The following MVP variants were observed in gnomAD, a reference collection of about 807,000 sequenced individuals.
MVP encodes major vault protein.
Under a neutral mutation model 83.5 loss-of-function variants are expected in MVP, and 62 were observed. That is an observed-to-expected ratio of 0.74 (90% CI 0.61 to 0.92). The LOEUF (loss-of-function observed/expected upper bound fraction) is 0.92, where lower values mean the gene tolerates loss of function less well. Ranked by LOEUF, MVP falls within the 40% of genes least tolerant of loss-of-function variation. The pLI is 0.00. For synonymous variants in MVP, 505 were observed against 504.1 expected (o/e 1.00, Z -0.02); for missense variants, 1,000 against 1,203.4 (o/e 0.83, Z 2.50).
At position 29,841,442 on chromosome 16, in the gene MVP, A is replaced by G; in HGVS notation, c.1192-154A>G. Among the ~76,000 whole-genome samples, 1 of 152,144 alleles carries G rather than the reference A, an allele frequency of 6.6e-6. No homozygotes were observed. The highest frequency in any genetic ancestry group is 1.9e-4 in the East Asian group (1 of 5,184). ...TAGCCCACGATGACAGGGCCAGCAG[A>G]TGGCAAACCCGGGGTGGAGCCTGGC... On this transcript the variant is annotated intron_variant, in intron 8 of 14. Transcript: ENST00000357402. This position sits in a 1 kb window ranked among gnomAD's most constrained non-coding sequence, Gnocchi z 4.7.
At position 29,844,589 on chromosome 16, in the gene MVP, C is replaced by G. The variant is rs1435478381; in HGVS notation, c.1731C>G (p.Ser577=). 1 of 1,613,134 alleles carries G rather than the reference C, an allele frequency of 6.2e-7. No homozygotes were observed. Among genetic ancestry groups the G allele is most frequent in the South Asian group, 1.1e-5 (1 of 90,878 alleles). Residue 577 remains serine (S), a synonymous_variant, in exon 11 of 15, where the codon TCC becomes TCG. Coordinates refer to ENST00000357402, the MANE Select transcript of MVP (RefSeq NM_005115.5). ...GTGATGCCTGCAAAGCCATCGCATC[C>G]CGGGTGCGGGGGGCCGTGGCCTCTG... is the stretch of plus-strand genomic sequence containing the variant. The part of the protein sequence containing the change: ...FVGDACKAIA[S]RVRGAVASVT...
chr16:29,832,439 A>C (rs2067451015), intron 3 of MVP, among the ~76,000 whole-genome samples: 1 of 150,656 alleles, frequency 6.6e-6, no homozygotes, highest in African/African-American at 2.4e-5. Context: ...CTGGGACTAC[A>C]GGCGCCCACC....
intron 1 of MVP, among the ~76,000 whole-genome samples, chr16:29,822,312 G>A (rs1323793933): frequency 6.9e-6 from 1 of 145,440 alleles, no homozygotes; most frequent in Non-Finnish European, 1.5e-5. Flanking sequence ...TCCTAAAACT[G>A]TGCTGCTTTA....
intron 10 of MVP, among the ~76,000 whole-genome samples, chr16:29,843,554 G>GGGAGGA (rs1567395353): frequency 9.6e-3 from 186 of 19,408 alleles, no homozygotes; most frequent in Non-Finnish European, 0.013. Context: ...GGAAGGGAGG[G>GGGAGGA]AGGGAGGGAG....
At chr16:29,846,536 A>G (rs542775913) in intron 13 of MVP, among the ~76,000 whole-genome samples, 2 of 152,230 alleles carry the variant, frequency 1.3e-5, no homozygotes, top group Non-Finnish European at 2.9e-5. Flanking sequence ...TGTATGCTTC[A>G]TAGGCATTAT....
Position 29,846,228 on chromosome 16 carries a change from G to A in MVP, c.2209G>A (p.Gly737Arg), listed in dbSNP as rs1202415971. 4 of 1,589,638 alleles carry A rather than the reference G, an allele frequency of 2.5e-6. No individual in the cohort carries two copies. The highest frequency in any genetic ancestry group is 1.8e-5 in the Admixed American group (1 of 55,716). Reference protein sequence around the residue: ...ESRAEAARIEGEGSVLQAKLK... With the variant: ...ESRAEAARIEREGSVLQAKLK... ...CCGTGCGGAGGCAGCCCGGATTGAG[G>A]GAGAAGGGTCCGTGCTGCAGGCCAA... is the stretch of plus-strand genomic sequence containing the variant. Residue 737 changes from glycine to arginine, a missense_variant, in exon 13 of 15, where the codon GGA becomes AGA. Transcript: ENST00000357402.
At chr16:29,830,477 C>A in intron 1 of MVP, 38 bp from the exon 2 acceptor site, 1 of 1,567,592 alleles carries the variant, frequency 6.4e-7, no homozygotes, top group Admixed American at 1.8e-5. Flanking sequence ...ACCCCAGGCT[C>A]CCCAGGTTCA....
intron 3 of MVP, among the ~76,000 whole-genome samples, chr16:29,832,249 C>T (rs1027202664): frequency 6.6e-6 from 1 of 150,874 alleles, no homozygotes; most frequent in African/African-American, 2.4e-5. Flanking sequence ...AAGACAATAA[C>T]CCTTAAGGAA....
At chr16:29,832,996 C>A (rs1017454898) in intron 3 of MVP, among the ~76,000 whole-genome samples, 1 of 150,956 alleles carries the variant, frequency 6.6e-6, no homozygotes, top group African/African-American at 2.4e-5. Flanking sequence ...ACCTGGGAGG[C>A]GGAGATTGCA....
intron 10 of MVP, among the ~76,000 whole-genome samples, chr16:29,843,846 A>C (rs879550683): frequency 6.6e-6 from 1 of 151,388 alleles, no homozygotes; most frequent in Non-Finnish European, 1.5e-5. Context: ...GTTGCAGTGA[A>C]CCCAGATCGA....
chr16:29,841,946 G>T lies in MVP; in HGVS notation c.1468G>T (p.Gly490Cys). 1 of 1,612,812 alleles carries T rather than the reference G, an allele frequency of 6.2e-7. No homozygotes were observed. ...VVFGPELVSL[G>C]PEEQFTVLSL... ...CTTCGGGCCTGAGCTGGTGTCGCTGGGTCCTGAGGAGCAGTTCACAGTGTT... is the reference window on the plus strand; with the variant it reads ...CTTCGGGCCTGAGCTGGTGTCGCTGTGTCCTGAGGAGCAGTTCACAGTGTT... The change falls in exon 10 of 15, where the codon GGT becomes TGT. Residue 490 changes from glycine (G) to cysteine (C), a missense_variant. By Grantham distance (159) the Gly-to-Cys change is radical. Coordinates refer to ENST00000357402, the MANE Select transcript of MVP (RefSeq NM_005115.5). This position sits in a 1 kb window ranked among gnomAD's most constrained non-coding sequence, Gnocchi z 4.7.
chr16:29,842,001 C>T lies in MVP; in HGVS notation c.1523C>T (p.Pro508Leu). 1 of 1,612,144 alleles carries T rather than the reference C, an allele frequency of 6.2e-7. No homozygotes were observed. ...LSLSAGRPKR[P>L]HARRALCLLL... ...CTCTCAGCTGGGCGGCCCAAGCGTC[C>T]CCATGCCCGCCGTGCGCTCTGCCTG... is the stretch of plus-strand genomic sequence containing the variant. The change falls in exon 10 of 15, where the codon CCC becomes CTC. Residue 508 changes from proline (P) to leucine (L), a missense_variant. Transcript: ENST00000357402.
intron 10 of MVP, among the ~76,000 whole-genome samples, chr16:29,844,284 A>AG (rs2067561871): frequency 6.6e-6 from 1 of 152,122 alleles, no homozygotes; most frequent in African/African-American, 2.4e-5. Context: ...CCGGCCACAC[A>AG]GGATGGGTGT....
Position 29,846,175 on chromosome 16 carries a change from C to G in MVP, c.2156C>G (p.Thr719Ser). Residue 719 changes from threonine (T) to serine (S), a missense_variant, in exon 13 of 15, where the codon ACC (threonine) becomes AGC (serine). Thr to Ser is a moderately conservative substitution (Grantham distance 58, BLOSUM62 1). Transcript: ENST00000357402. The stretch of plus-strand genomic sequence containing the variant: ...CTCCCCAGCATGGCCGTGGAGAGCA[C>G]CGGGACTGCCAAGGCGGAGGCCGAG... ...LEALSMAVESTGTAKAEAESR... is the reference protein window; with the variant it reads ...LEALSMAVESSGTAKAEAESR... 1.2e-6 allele frequency: 2 copies of G among 1,610,982 alleles called. No individual in the cohort carries two copies. The highest frequency in any genetic ancestry group is 1.7e-6 in the Non-Finnish European group (2 of 1,178,768).
Position 29,833,672 on chromosome 16 carries a change from C to G in MVP, c.322-61C>G, listed in dbSNP as rs1245547179. 1.9e-6 allele frequency: 3 copies of G among 1,603,418 alleles called. No individual in the cohort carries two copies. In the African/African-American group the frequency reaches 4.0e-5, roughly 21 times the overall value. The stretch of plus-strand genomic sequence containing the variant: ...TGTTGTGGACCCGCCTCCAGAGCAT[C>G]AGGCTTGGCCCTGGGGTCACAGCAC... On this transcript the variant is annotated intron_variant, in intron 3 of 14. Transcript: ENST00000357402.
chr16:29,821,363 G>C (rs1298854602), intron 1 of MVP: 1 of 152,254 alleles, frequency 6.6e-6, no homozygotes, highest in Admixed American at 6.5e-5. Context: ...GTTTGGGCAG[G>C]ACAGCCCTCT....
intron 1 of MVP, among the ~76,000 whole-genome samples, chr16:29,823,180 G>A (rs1417876668): frequency 3.1e-5 from 4 of 128,138 alleles, no homozygotes; most frequent in African/African-American, 1.2e-4. Flanking sequence ...GAGCGCACTC[G>A]TGTGCTCCAT....
rs1376360828 is a variant in MVP, at chr16:29,820,518, C to T, written c.-36+8C>T. The T allele has an allele frequency of 2.0e-5, 3 of 152,270 alleles. No individual in the cohort carries two copies. Among genetic ancestry groups the T allele is most frequent in the Non-Finnish European group, 4.4e-5 (3 of 68,104 alleles). 9.4% of individuals were successfully genotyped at this position (152,270 alleles called of 1,614,324 possible). ...CTACCTGCACTTCTAGATGTGAGTACATTGTACTAGCCCCCCAAACCCCAA... is the reference window on the plus strand; with the variant it reads ...CTACCTGCACTTCTAGATGTGAGTATATTGTACTAGCCCCCCAAACCCCAA... On this transcript the variant is annotated splice_region_variant and intron_variant, in intron 1 of 14. Coordinates refer to ENST00000357402, the MANE Select transcript of MVP (RefSeq NM_005115.5).
At chr16:29,827,486 T>G (rs2067412429) in intron 1 of MVP, among the ~76,000 whole-genome samples, 2 of 152,156 alleles carry the variant, frequency 1.3e-5, no homozygotes, top group South Asian at 4.1e-4. Context: ...GGACCAGGCA[T>G]TCCACCAGGG....
Sources: allele counts gnomAD v4.1 joint callset (sites outside exome capture counted in the v4.1 genomes callset), GRCh38; gene constraint gnomAD v4.1.1; non-coding constraint Gnocchi (gnomAD v3.1); transcripts MANE v1.5; gene names NCBI Gene and HGNC (gene_info 2026-07-23, HGNC 2026-07-21).